CFAP47: variants seen among roughly 807,000 people sequenced by gnomAD.
The protein encoded by CFAP47 is cilia and flagella associated protein 47.
In CFAP47, 29 loss-of-function variants were observed where a neutral mutation model predicts 148.1. That is an observed-to-expected ratio of 0.20 (90% CI 0.15 to 0.27). The LOEUF is 0.27. CFAP47 is among the 10% of genes least tolerant of loss of function. CFAP47 has a pLI of 1.00. For missense variants in CFAP47, 1,872 were observed against 1,697.5 expected (o/e 1.10, Z -1.81); for synonymous variants, 664 against 577.3 (o/e 1.15, Z -2.15).
chrX:35,966,513 A>C, intron 8 of CFAP47, 52 bp from the exon 9 acceptor site: 1 of 853,193 alleles, frequency 1.2e-6, no homozygotes, highest in Non-Finnish European at 1.5e-6. Flanking sequence ...ATTTGCTGTT[A>C]ACTTTTTTTC....
intron 39 of CFAP47, among the ~76,000 whole-genome samples, chrX:36,171,951 G>C (rs1389882241): frequency 8.2e-5 from 9 of 109,380 alleles, no homozygotes; most frequent in South Asian, 4.0e-4. Context: ...TCTTCCATTT[G>C]TTTGTATCCT....
chrX:36,076,249 T>C (rs1371873196), intron 29 of CFAP47, among the ~76,000 whole-genome samples: 1 of 107,290 alleles, frequency 9.3e-6, no homozygotes, highest in Non-Finnish European at 1.9e-5. Flanking sequence ...TACATATGTA[T>C]ACATGTGCCA....
At chrX:36,094,899 TC>T (rs1233207566) in intron 30 of CFAP47, among the ~76,000 whole-genome samples, 3 of 111,198 alleles carry the variant, frequency 2.7e-5, no homozygotes, top group Non-Finnish European at 5.7e-5. Flanking sequence ...AGCTGGGACT[TC>T]CTGTACTGTG....
At chrX:36,016,307 C>T (rs1229181707) in intron 22 of CFAP47, among the ~76,000 whole-genome samples, 3 of 110,759 alleles carry the variant, frequency 2.7e-5, no homozygotes, top group Non-Finnish European at 5.7e-5. Context: ...CATCCACCTA[C>T]TACCCTTCAC....
intron 52 of CFAP47, among the ~76,000 whole-genome samples, chrX:36,300,743 A>G (rs1406119437): frequency 8.9e-6 from 1 of 112,365 alleles, no homozygotes; most frequent in Non-Finnish European, 1.9e-5. Flanking sequence ...TGACTTAGTC[A>G]CAGTTAAAAA....
chrX:36,069,519 A>C (rs924124274), intron 27 of CFAP47, among the ~76,000 whole-genome samples: 4 of 111,742 alleles, frequency 3.6e-5, no homozygotes, highest in African/African-American at 1.3e-4. Context: ...TTTCAAAAGA[A>C]AGAAATTATA....
At chrX:36,118,402 A>G (rs1404697659) in intron 33 of CFAP47, among the ~76,000 whole-genome samples, 1 of 111,232 alleles carries the variant, frequency 9.0e-6, no homozygotes, top group Non-Finnish European at 1.9e-5. Flanking sequence ...TTTTTATGTC[A>G]TCTTCAATTT....
At chrX:36,033,414 A>G (rs757029857) in intron 23 of CFAP47, among the ~76,000 whole-genome samples, 1 of 111,961 alleles carries the variant, frequency 8.9e-6, no homozygotes, top group South Asian at 3.7e-4. Context: ...ATTAACCAAT[A>G]TTTCTTTATA....
intron 57 of CFAP47, among the ~76,000 whole-genome samples, chrX:36,326,307 A>G (rs1463066919): frequency 9.4e-6 from 1 of 106,694 alleles, no homozygotes; most frequent in Non-Finnish European, 2.0e-5. Flanking sequence ...ATTTCCAAAC[A>G]CACACACACA....
At chrX:36,037,626 A>T (rs1937354534) in intron 24 of CFAP47, among the ~76,000 whole-genome samples, 1 of 111,053 alleles carries the variant, frequency 9.0e-6, no homozygotes, top group African/African-American at 3.3e-5. Context: ...AAAGGGTATG[A>T]TTGAATCTCC....
chrX:36,114,200 C>T (rs1335496406), intron 33 of CFAP47, among the ~76,000 whole-genome samples: 2 of 111,618 alleles, frequency 1.8e-5, no homozygotes, highest in East Asian at 2.8e-4. Flanking sequence ...AGCTCTATGA[C>T]GTCGATTACA....
intron 40 of CFAP47, among the ~76,000 whole-genome samples, chrX:36,181,442 T>A (rs1405430434): frequency 4.5e-5 from 5 of 111,651 alleles, no homozygotes; most frequent in Admixed American, 3.8e-4. Context: ...AAAGGAAACC[T>A]TGGAAGTACT....
At chrX:36,028,421 G>C (rs1453807667) in intron 22 of CFAP47, among the ~76,000 whole-genome samples, 1 of 111,112 alleles carries the variant, frequency 9.0e-6, no homozygotes, top group Non-Finnish European at 1.9e-5. Context: ...TTGGTACTTT[G>C]ATAGAAATTG....
At chrX:36,346,063 A>G (rs1779627846) in intron 57 of CFAP47, among the ~76,000 whole-genome samples, 1 of 112,015 alleles carries the variant, frequency 8.9e-6, no homozygotes, top group Non-Finnish European at 1.9e-5. Context: ...ATCCTCTATT[A>G]TCTTGTAAAG....
At chrX:36,150,644 T>C (rs1939296936) in intron 37 of CFAP47, among the ~76,000 whole-genome samples, 1 of 111,424 alleles carries the variant, frequency 9.0e-6, no homozygotes, top group South Asian at 3.7e-4. Context: ...CATTTTAAAT[T>C]GTACCTAAAA....
intron 36 of CFAP47, among the ~76,000 whole-genome samples, chrX:36,146,005 A>G (rs5973600): frequency 0.098 from 10,847 of 111,058 alleles, 1,045 homozygotes; most frequent in African/African-American, 0.3. Flanking sequence ...TCTTTTATTT[A>G]CTTTATTTCT....
chrX:36,333,369 T>C (rs1941580028), intron 57 of CFAP47, among the ~76,000 whole-genome samples: 1 of 110,957 alleles, frequency 9.0e-6, no homozygotes, highest in Non-Finnish European at 1.9e-5. Context: ...GGAACCTGAC[T>C]CTTCCCTGAG....
intron 26 of CFAP47, among the ~76,000 whole-genome samples, chrX:36,056,494 A>G (rs2146744393): frequency 8.9e-6 from 1 of 112,229 alleles, no homozygotes; most frequent in African/African-American, 3.2e-5. Context: ...TGGTGTACTG[A>G]CCAGCGTGTA....
At chrX:36,196,670 A>G (rs1002251567) in intron 42 of CFAP47, among the ~76,000 whole-genome samples, 1 of 111,421 alleles carries the variant, frequency 9.0e-6, no homozygotes, top group Admixed American at 9.6e-5. Context: ...TGAGGACTGC[A>G]TTTAACTAGA....
Sources: gnomAD v4.1 joint callset for allele counts (sites outside exome capture counted in the v4.1 genomes callset) on GRCh38, gnomAD v4.1.1 for gene constraint, MANE v1.5 for transcripts, NCBI Gene and HGNC (gene_info 2026-07-23, HGNC 2026-07-21) for gene names.